The following ATRNL1 variants were observed in gnomAD, a reference collection of about 807,000 sequenced individuals.
ATRNL1 encodes the protein attractin-like protein 1.
A neutral mutation model predicts 182.7 loss-of-function variants in ATRNL1; 95 were observed. That is an observed-to-expected ratio of 0.52 (90% CI 0.44 to 0.62). The LOEUF is 0.62. Among genes scored for constraint, ATRNL1 ranks in the 20% least tolerant of loss-of-function variants. The pLI is 0.00. For synonymous variants in ATRNL1, 576 were observed against 568.3 expected, an observed-to-expected ratio of 1.01 and a Z score of -0.19; for missense variants, 1,471 against 1,679.5, an observed-to-expected ratio of 0.88 and a Z score of 2.17.
intron 22 of ATRNL1, among the ~76,000 whole-genome samples, chr10:115,464,560 A>C (rs1437302437): frequency 6.6e-6 from 1 of 151,942 alleles, no homozygotes; most frequent in Admixed American, 6.6e-5. Context: ...GGCTTTAGTT[A>C]TGGTACCATA....
chr10:115,254,133 T>A (rs1851009661), intron 10 of ATRNL1, among the ~76,000 whole-genome samples: 1 of 152,218 alleles, frequency 6.6e-6, no homozygotes, highest in Non-Finnish European at 1.5e-5. Flanking sequence ...TGATTTATAA[T>A]CCTTTGGGTA....
At chr10:115,368,193 A>G (rs1476810906) in intron 19 of ATRNL1, among the ~76,000 whole-genome samples, 4 of 152,102 alleles carry the variant, frequency 2.6e-5, no homozygotes, top group African/African-American at 9.6e-5. Flanking sequence ...TGGGCGTAGG[A>G]CCCTCTGAGC....
chr10:115,835,750 A>C (rs2907556), intron 27 of ATRNL1, among the ~76,000 whole-genome samples: 117,900 of 152,160 alleles, frequency 0.77, 45,795 homozygotes, highest in Admixed American at 0.83. Flanking sequence ...AGCTCTGAGC[A>C]GAGTCCTTCT....
intron 20 of ATRNL1, among the ~76,000 whole-genome samples, chr10:115,414,371 T>C (rs1845288072): frequency 6.6e-6 from 1 of 151,624 alleles, no homozygotes; most frequent in Non-Finnish European, 1.5e-5. Flanking sequence ...CCCTCTTCTC[T>C]TCTTCCCCTT....
chr10:115,287,854 C>T (rs1167246010), intron 15 of ATRNL1, among the ~76,000 whole-genome samples: 4 of 151,568 alleles, frequency 2.6e-5, no homozygotes, highest in African/African-American at 9.7e-5. Flanking sequence ...TCTTCTTATC[C>T]CTCCCTTTCG....
At chr10:115,204,870 G>C (rs1554893425) in intron 8 of ATRNL1, among the ~76,000 whole-genome samples, 1 of 151,988 alleles carries the variant, frequency 6.6e-6, no homozygotes, top group Non-Finnish European at 1.5e-5. Context: ...TTAGATATTT[G>C]GCAGAATTCA....
chr10:115,461,808 T>C (rs2134531224), intron 21 of ATRNL1, 133 bp from the exon 22 acceptor site: 1 of 438,252 alleles, frequency 2.3e-6, no homozygotes, highest in East Asian at 3.5e-5. Flanking sequence ...TATTTTGTTA[T>C]ACTTAAATAT....
chr10:115,719,326 A>T (rs1435277879), intron 26 of ATRNL1, among the ~76,000 whole-genome samples: 2 of 152,136 alleles, frequency 1.3e-5, no homozygotes, highest in Non-Finnish European at 2.9e-5. Context: ...AAAATGAGAT[A>T]TGTGATCAAG....
chr10:115,095,348 C>G (rs889379308), intron 1 of ATRNL1, among the ~76,000 whole-genome samples: 2 of 144,872 alleles, frequency 1.4e-5, no homozygotes, highest in East Asian at 2.0e-4. Context: ...ATTTTAAACA[C>G]AGCATACTTT....
At position 115,188,313 on chromosome 10, in the gene ATRNL1, C is replaced by T. The variant is rs548834814; in HGVS notation, c.1348+17021C>T. Among the ~76,000 whole-genome samples the T allele has an allele frequency of 3.2e-4, 49 of 152,100 alleles. No homozygotes were observed. The South Asian group carries it at 5.4e-3, about 17-fold the overall frequency. Reference sequence around the variant, plus strand: ...GTTTAACTGAAGATTTTAAGAATTCCCTTGAACTTGCTGTGGCAGTAAAGG... The same window carrying T: ...GTTTAACTGAAGATTTTAAGAATTCTCTTGAACTTGCTGTGGCAGTAAAGG... On this transcript the variant is annotated intron_variant, in intron 8 of 28. Transcript: ENST00000355044.
At chr10:115,868,352 T>A (rs536175132) in intron 28 of ATRNL1, among the ~76,000 whole-genome samples, 32 of 152,308 alleles carry the variant, frequency 2.1e-4, no homozygotes, top group African/African-American at 7.2e-4. Flanking sequence ...CTCTCACCAA[T>A]GAGGTTACCC....
intron 17 of ATRNL1, among the ~76,000 whole-genome samples, 188 bp from the exon 18 acceptor site, chr10:115,315,326 CTTTG>C (rs1182290972): frequency 6.6e-6 from 1 of 152,048 alleles, no homozygotes; most frequent in Non-Finnish European, 1.5e-5. Flanking sequence ...TTTATCTCCT[CTTTG>C]TTTGTGATGT....
At chr10:115,166,656 T>C (rs1554884423) in intron 7 of ATRNL1, among the ~76,000 whole-genome samples, 1 of 152,094 alleles carries the variant, frequency 6.6e-6, no homozygotes, top group African/African-American at 2.4e-5. Flanking sequence ...TGATTAATGA[T>C]GTTAAATATC....
intron 8 of ATRNL1, among the ~76,000 whole-genome samples, chr10:115,177,924 G>GTTTTTTTTTTTTT (rs587742941): frequency 4.9e-5 from 4 of 81,766 alleles, no homozygotes; most frequent in Non-Finnish European, 6.7e-5. Context: ...TTTTTTTTTT[G>GTTTTTTTTTTTTT]TTTTTTTTTT....
intron 24 of ATRNL1, among the ~76,000 whole-genome samples, chr10:115,481,619 C>A (rs939812599): frequency 1.3e-4 from 20 of 150,970 alleles, no homozygotes; most frequent in African/African-American, 3.9e-4. Flanking sequence ...TTAACTCACA[C>A]TTCTTTATTT....
At chr10:115,249,597 G>A (rs782651328) in intron 10 of ATRNL1, among the ~76,000 whole-genome samples, 13 of 152,012 alleles carry the variant, frequency 8.6e-5, no homozygotes, top group Non-Finnish European at 1.5e-4. Context: ...GATCTTATGT[G>A]TATTGAGTAT....
chr10:115,208,195 A>G (rs77125090), intron 8 of ATRNL1, among the ~76,000 whole-genome samples: 2,406 of 152,080 alleles, frequency 0.016, 51 homozygotes, highest in African/African-American at 0.054. Context: ...AATTTTTGCT[A>G]TTACTTGTTA....
At chr10:115,871,085 T>C (rs186487304) in intron 28 of ATRNL1, among the ~76,000 whole-genome samples, 1 of 152,262 alleles carries the variant, frequency 6.6e-6, no homozygotes, top group East Asian at 1.9e-4. Context: ...TCAACTAGGA[T>C]CCCAATAATA....
At chr10:115,684,107 A>G (rs1946141150) in intron 26 of ATRNL1, among the ~76,000 whole-genome samples, 1 of 151,848 alleles carries the variant, frequency 6.6e-6, no homozygotes, top group African/African-American at 2.4e-5. Flanking sequence ...ATTATTACAT[A>G]GTAGTTTAAT....
Sources: allele counts gnomAD v4.1 joint callset (sites outside exome capture counted in the v4.1 genomes callset), GRCh38; gene constraint gnomAD v4.1.1; transcripts MANE v1.5; gene names NCBI Gene and HGNC (gene_info 2026-07-23, HGNC 2026-07-21).